Variants in LARS1 observed in about 807,000 individuals in gnomAD.
The protein encoded by LARS1 is leucyl-tRNA synthetase 1.
A neutral mutation model predicts 162.8 loss-of-function variants in LARS1; 100 were observed. That is an observed-to-expected ratio of 0.61 (90% CI 0.52 to 0.73). LARS1 has a LOEUF of 0.73. LARS1 is among the 30% of genes least tolerant of loss of function. The probability of loss-of-function intolerance (pLI) is 0.00; values close to 1 mark genes in which losing one functional copy is unlikely to be tolerated. For missense variants in LARS1, 1,258 were observed against 1,408.9 expected, an observed-to-expected ratio of 0.89 and a Z score of 1.71; for synonymous variants, 457 against 462.8, an observed-to-expected ratio of 0.99 and a Z score of 0.16.
intron 31 of LARS1, among the ~76,000 whole-genome samples, chr5:146,115,774 A>G (rs1764179333): frequency 6.6e-6 from 1 of 152,278 alleles, no homozygotes; most frequent in Non-Finnish European, 1.5e-5. Flanking sequence ...TTCTGGGTTT[A>G]TATCTCATTC....
intron 1 of LARS1, among the ~76,000 whole-genome samples, chr5:146,181,985 G>T (rs1402481409): frequency 6.7e-6 from 1 of 149,194 alleles, no homozygotes; most frequent in African/African-American, 2.5e-5. Flanking sequence ...CTGTCGCCCA[G>T]GCTGGAGTGC....
chr5:146,149,907 C>T (rs572744581), intron 14 of LARS1, among the ~76,000 whole-genome samples: 2 of 152,144 alleles, frequency 1.3e-5, no homozygotes, highest in Non-Finnish European at 2.9e-5. Flanking sequence ...GTCAGTGATA[C>T]CCACACCTCA....
chr5:146,178,363 C>T (rs1006330762), intron 1 of LARS1, among the ~76,000 whole-genome samples: 4 of 152,074 alleles, frequency 2.6e-5, no homozygotes, highest in Admixed American at 6.6e-5. Context: ...CCTGTAATCC[C>T]AGCACTTTGG....
Position 146,157,486 on chromosome 5 carries a change from G to C in LARS1, c.982C>G (p.Gln328Glu), listed in dbSNP as rs1294709989. 6.2e-7 allele frequency: 1 copy of C among 1,613,802 alleles called. No homozygotes were observed. Among genetic ancestry groups the C allele is most frequent in the Non-Finnish European group, 8.5e-7 (1 of 1,179,996 alleles). Residue 328 changes from glutamine to glutamate, a missense_variant, in exon 10 of 32, where the codon CAA becomes GAA. Transcript: ENST00000394434. ...TVNGDIFICT[Q>E]KAARNMSYQG... ...TATGACATATTCCTGGCTGCTTTTT[G>C]GGTACAGATGAATATATCACCATTC... is the stretch of plus-strand genomic sequence containing the variant.
chr5:146,120,379 C>G lies in LARS1; in HGVS notation c.3317G>C (p.Gly1106Ala), dbSNP rs1325308964. The change falls in exon 31 of 32, where the codon GGA becomes GCA. Residue 1106 changes from glycine (G) to alanine (A), a missense_variant. Physicochemically the swap from Gly to Ala is moderately conservative, Grantham distance 60. Coordinates refer to ENST00000394434, the MANE Select transcript of LARS1 (RefSeq NM_020117.11). The stretch of plus-strand genomic sequence containing the variant: ...TTTGGGGAACAACTTACCTTTAATT[C>G]CTCGATTCATTTTCATTAAACGCCT... ...IIRRLMKMNR[G>A]IKDLSKVKLM... is the part of the protein sequence containing the mutation. The G allele has an allele frequency of 6.2e-7, 1 of 1,612,996 alleles. No homozygotes were observed. Among genetic ancestry groups the G allele is most frequent in the Admixed American group, 1.7e-5 (1 of 59,956 alleles).
At chr5:146,163,579 G>A (rs1318249247) in intron 6 of LARS1, among the ~76,000 whole-genome samples, 1 of 152,046 alleles carries the variant, frequency 6.6e-6, no homozygotes, top group Non-Finnish European at 1.5e-5. Flanking sequence ...CCAGCTACTC[G>A]GGAGGCTGAG....
At chr5:146,150,804 T>A (rs1753245438) in intron 14 of LARS1, among the ~76,000 whole-genome samples, 1 of 151,788 alleles carries the variant, frequency 6.6e-6, no homozygotes, top group Non-Finnish European at 1.5e-5. Context: ...CTGGTCATGG[T>A]GGCACGTGCC....
At chr5:146,144,732 A>T in intron 15 of LARS1, 23 bp from the exon 16 acceptor site, 1 of 1,566,574 alleles carries the variant, frequency 6.4e-7, no homozygotes, top group Non-Finnish European at 8.8e-7. Flanking sequence ...AAATAAACAT[A>T]CATTAGATAC....
rs559809372 is a variant in LARS1 at position 146,144,456 on chromosome 5, C to T, written c.1655+16G>A. The T allele has an allele frequency of 3.7e-6, 6 of 1,609,468 alleles. No homozygotes were observed. The South Asian group carries it at 5.6e-5, about 15-fold the overall frequency. On this transcript the variant is annotated intron_variant, in intron 17 of 31. Coordinates refer to ENST00000394434, the MANE Select transcript of LARS1 (RefSeq NM_020117.11). ...TCATCTCCTTTTTCCTCCTTCATCA[C>T]TTTCTCCCATCTTACGTTTCCAGGT...
rs771197433 is a variant in LARS1, at chr5:146,151,963, C to T, written c.1324G>A (p.Ala442Thr). Residue 442 changes from alanine (A) to threonine (T), a missense_variant, in exon 14 of 32, where the codon GCT becomes ACT. Coordinates refer to ENST00000394434, the MANE Select transcript of LARS1 (RefSeq NM_020117.11). ...IEIPGFGNLS[A>T]VTICDELKIQ... The stretch of plus-strand genomic sequence containing the variant: ...TTCAACTCATCACAAATGGTTACAG[C>T]AGAAAGATTTCCAAAACCTGGGATT... 1 of 1,614,010 alleles carries T rather than the reference C, an allele frequency of 6.2e-7. No homozygotes were observed. The highest frequency in any genetic ancestry group is 8.5e-7 in the Non-Finnish European group (1 of 1,180,040).
At chr5:146,140,129 A>T (rs531282431) in intron 21 of LARS1, 75 bp downstream of exon 21, 36 of 1,123,282 alleles carry the variant, frequency 3.2e-5, no homozygotes, top group African/African-American at 7.7e-5. Context: ...ACATACATTT[A>T]AAAAAAAGTG....
intron 2 of LARS1, among the ~76,000 whole-genome samples, chr5:146,173,344 C>CCATCT (rs1428412463): frequency 1.3e-5 from 2 of 150,756 alleles, no homozygotes. Flanking sequence ...AAATGAGACT[C>CCATCT]CATCTCAAAA....
rs141727672 is a variant in LARS1 at position 146,128,735 on chromosome 5, A to G, written c.2817T>C (p.Tyr939=). The G allele has an allele frequency of 0.014, 22,037 of 1,601,948 alleles. 180 individuals carry two copies. The highest frequency in any genetic ancestry group is 0.017 in the Non-Finnish European group (20,093 of 1,176,802). ...GCCAAGGTGGATAGTTCTTTGCCAC[A>G]TAGATGGTGCAATGTGAGGGCTTCT... The part of the protein sequence containing the change: ...PLQKPSHCTI[Y]VAKNYPPWQH... Residue 939 remains tyrosine, a synonymous_variant, in exon 27 of 32, where the codon TAT becomes TAC. Coordinates refer to ENST00000394434, the MANE Select transcript of LARS1 (RefSeq NM_020117.11).
chr5:146,149,533 G>C, intron 15 of LARS1, 89 bp downstream of exon 15: 11 of 889,520 alleles, frequency 1.2e-5, no homozygotes, highest in Non-Finnish European at 2.0e-5. Flanking sequence ...ATAGCTCCAG[G>C]TTCTACTGTA....
chr5:146,149,360 T>G (rs1369637031), intron 15 of LARS1, among the ~76,000 whole-genome samples: 1 of 152,172 alleles, frequency 6.6e-6, no homozygotes, highest in Non-Finnish European at 1.5e-5. Flanking sequence ...TACCAGTATC[T>G]AAAATGGCCA....
intron 7 of LARS1, 58 bp from the exon 8 acceptor site, chr5:146,159,528 A>G (rs1753683476): frequency 1.5e-6 from 2 of 1,333,078 alleles, no homozygotes; most frequent in African/African-American, 1.5e-5. Context: ...TTATCCTACC[A>G]TATTTGCCTG....
intron 15 of LARS1, among the ~76,000 whole-genome samples, chr5:146,149,313 GGAC>G (rs1432483615): frequency 1.3e-5 from 2 of 151,906 alleles, no homozygotes; most frequent in African/African-American, 4.8e-5. Flanking sequence ...GATGAGAGGA[GGAC>G]GACAGAAACA....
chr5:146,130,216 G>A, intron 24 of LARS1, 58 bp from the exon 25 acceptor site: 4 of 1,529,770 alleles, frequency 2.6e-6, no homozygotes, highest in Admixed American at 3.9e-5. Flanking sequence ...AAAAATAAAG[G>A]GAAAAATTGC....
At chr5:146,160,063 A>G (rs1581065446) in intron 7 of LARS1, among the ~76,000 whole-genome samples, 1 of 152,186 alleles carries the variant, frequency 6.6e-6, no homozygotes, top group Non-Finnish European at 1.5e-5. Flanking sequence ...ACAAAAGAAT[A>G]GAAACAACAT....
Sources: gnomAD v4.1 joint callset for allele counts (sites outside exome capture counted in the v4.1 genomes callset) on GRCh38, gnomAD v4.1.1 for gene constraint, MANE v1.5 for transcripts, NCBI Gene and HGNC (gene_info 2026-07-23, HGNC 2026-07-21) for gene names.